The following PASD1 variants were observed in gnomAD, a reference collection of about 807,000 sequenced individuals.
The protein encoded by PASD1 is circadian clock protein PASD1.
PASD1 carries 13 observed loss-of-function variants against 58.8 expected under a neutral mutation model. The ratio of observed to expected loss-of-function variants is 0.22; its 90% CI spans 0.14 to 0.35. The LOEUF is 0.35. Ranked by LOEUF, PASD1 falls within the 10% of genes least tolerant of loss-of-function variation. PASD1 has a pLI of 1.00. For missense variants in PASD1, 734 were observed against 568.3 expected, an observed-to-expected ratio of 1.29 and a Z score of -2.96; for synonymous variants, 236 against 216.7, an observed-to-expected ratio of 1.09 and a Z score of -0.78.
chrX:151,671,850 G>A (rs1602969402), intron 13 of PASD1, 71 bp downstream of exon 13: 13 of 1,054,693 alleles, frequency 1.2e-5, no homozygotes, highest in South Asian at 4.0e-5. Flanking sequence ...GACTCACTTG[G>A]TTCTCCTTAG....
intron 9 of PASD1, among the ~76,000 whole-genome samples, chrX:151,651,611 GGTAGGCATTTA>G (rs986932193): frequency 8.9e-6 from 1 of 111,940 alleles, no homozygotes; most frequent in African/African-American, 3.2e-5. Context: ...TACCTACTAT[GGTAGGCATTTA>G]GTCATTTATT....
intron 8 of PASD1, among the ~76,000 whole-genome samples, chrX:151,634,225 C>T (rs1294027322): frequency 9.0e-6 from 1 of 111,148 alleles, no homozygotes; most frequent in African/African-American, 3.3e-5. Flanking sequence ...CTCTCCTCTT[C>T]TCTCCTTCTC....
chrX:151,658,551 G>A (rs1271023562), intron 9 of PASD1, among the ~76,000 whole-genome samples: 1 of 112,269 alleles, frequency 8.9e-6, no homozygotes, highest in Non-Finnish European at 1.9e-5. Flanking sequence ...GAAGGAAGAG[G>A]AAAGAGACAG....
At chrX:151,618,929 G>A (rs1260886248) in intron 4 of PASD1, among the ~76,000 whole-genome samples, 1 of 111,418 alleles carries the variant, frequency 9.0e-6, no homozygotes, top group Non-Finnish European at 1.9e-5. Flanking sequence ...AAAGACTTTG[G>A]CTTTTATTCA....
At position 151,674,184 on chromosome X, in the gene PASD1, C is replaced by T. The variant is rs1470800884; in HGVS notation, c.2173C>T (p.Gln725Ter). ...GTLHGQPTYH[Q>*]VQVSEVGVEG... is the part of the protein sequence containing the mutation. ...CCTGCACGGCCAACCCACCTACCAT[C>T]AGGTATGGGACAGCCCCCTCCTTTT... The change falls in exon 15 of 16, where the codon CAG (glutamine) becomes TAG (stop). Residue 725 changes from glutamine to a stop codon, truncating the protein, a stop_gained and splice_region_variant. Coordinates refer to ENST00000370357, the MANE Select transcript of PASD1 (RefSeq NM_173493.3). LOFTEE classifies it low-confidence loss of function (END_TRUNC). The T allele has an allele frequency of 9.1e-6, 11 of 1,211,814 alleles. No homozygotes were observed. Among genetic ancestry groups the T allele is most frequent in the Non-Finnish European group, 1.2e-5 (11 of 895,526 alleles).
At position 151,674,158 on chromosome X, in the gene PASD1, C is replaced by T. The variant is rs143262698; in HGVS notation, c.2147C>T (p.Thr716Ile). 5,662 of 1,210,334 alleles carry T rather than the reference C, an allele frequency of 4.7e-3. 19 individuals are homozygous for T. Among genetic ancestry groups the T allele is most frequent in the Admixed American group, 0.014 (654 of 45,811 alleles). The change falls in exon 15 of 16, where the codon ACC becomes ATC. Residue 716 changes from threonine to isoleucine, a missense_variant. Coordinates refer to ENST00000370357, the MANE Select transcript of PASD1 (RefSeq NM_173493.3). ...VNTWSCDEQG[T>I]LHGQPTYHQV... ...ACTTGGTCTTGCGATGAGCAGGGCA[C>T]CCTGCACGGCCAACCCACCTACCAT...
intron 8 of PASD1, among the ~76,000 whole-genome samples, chrX:151,630,361 C>T (rs2013852222): frequency 8.9e-6 from 1 of 111,848 alleles, no homozygotes; most frequent in Non-Finnish European, 1.9e-5. Context: ...CAGAACCTGA[C>T]AATGAGTAGG....
intron 3 of PASD1, among the ~76,000 whole-genome samples, chrX:151,610,195 T>C (rs1345632092): frequency 9.0e-6 from 1 of 111,609 alleles, no homozygotes; most frequent in Non-Finnish European, 1.9e-5. Flanking sequence ...TGTTGGACTT[T>C]CTGATTCTCT....
chrX:151,638,065 G>A (rs1017382890), intron 8 of PASD1, among the ~76,000 whole-genome samples: 1 of 111,547 alleles, frequency 9.0e-6, no homozygotes, highest in African/African-American at 3.3e-5. Context: ...CTAACAGTCT[G>A]GGTTCAAATT....
At chrX:151,564,968 T>A (rs1385550198) in intron 1 of PASD1, among the ~76,000 whole-genome samples, 1 of 111,736 alleles carries the variant, frequency 8.9e-6, no homozygotes, top group Non-Finnish European at 1.9e-5. Flanking sequence ...ATGTATAAAA[T>A]CAAGAATGTA....
At chrX:151,673,215 T>C (rs113220347) in intron 14 of PASD1, 1 of 118,292 alleles carries the variant, frequency 8.5e-6, no homozygotes, top group Non-Finnish European at 1.8e-5. Flanking sequence ...CATGAACACA[T>C]TTCTGCTCAA....
rs764793119 is a variant in PASD1 at position 151,604,732 on chromosome X, C to A, written c.115C>A (p.Gln39Lys). 8.4e-7 allele frequency: 1 copy of A among 1,191,036 alleles called. No homozygotes were observed. Among genetic ancestry groups the A allele is most frequent in the Non-Finnish European group, 1.1e-6 (1 of 877,779 alleles). ...TGATTACTTCAACCAAGTGACGCTA[C>A]AGGTAAGAGGGCTTTTGTTCTTTGA... is the stretch of plus-strand genomic sequence containing the variant. ...TYDYFNQVTL[Q>K]LLDGFMITLS... is the part of the protein sequence containing the mutation. Residue 39 changes from glutamine to lysine, a missense_variant and splice_region_variant, in exon 3 of 16, where the codon CAG (glutamine) becomes AAG (lysine). Coordinates refer to ENST00000370357, the MANE Select transcript of PASD1 (RefSeq NM_173493.3).
Position 151,676,178 on chromosome X carries a change from G to A in PASD1, c.*35G>A, listed in dbSNP as rs376879879. 9.8e-5 allele frequency: 116 copies of A among 1,188,314 alleles called. 1 individual carries two copies. The South Asian group carries it at 2.1e-3, about 21-fold the overall frequency. ...CATGACCAGTGATGAGGGGAAATGG[G>A]GGGAGGGGGCAGGCCAATGAGGTCT... On this transcript the variant is annotated 3_prime_UTR_variant, in exon 16 of 16. Coordinates refer to ENST00000370357, the MANE Select transcript of PASD1 (RefSeq NM_173493.3).
chrX:151,653,196 ATT>A (rs1256565605), intron 9 of PASD1, among the ~76,000 whole-genome samples: 9,464 of 84,574 alleles, frequency 0.11, 470 homozygotes, highest in Middle Eastern at 0.19. Flanking sequence ...ATATATATAT[ATT>A]TTTTTTTTTT....
At chrX:151,664,395 C>G in intron 11 of PASD1, 47 bp downstream of exon 11, 2 of 1,192,868 alleles carry the variant, frequency 1.7e-6, no homozygotes, top group Non-Finnish European at 2.3e-6. Context: ...GTCTGGATAG[C>G]TAACCTTGCA....
chrX:151,603,676 T>C (rs1259086546), intron 2 of PASD1, among the ~76,000 whole-genome samples: 1 of 110,949 alleles, frequency 9.0e-6, no homozygotes, highest in Non-Finnish European at 1.9e-5. Flanking sequence ...TGGCATGGTT[T>C]ACTTTTCATG....
intron 8 of PASD1, chrX:151,641,251 T>C (rs1360477614): frequency 3.6e-5 from 4 of 111,163 alleles, no homozygotes; most frequent in Non-Finnish European, 5.7e-5. Flanking sequence ...AATGGCCCTT[T>C]AGAGAGTGCT....
intron 1 of PASD1, among the ~76,000 whole-genome samples, chrX:151,585,142 A>T (rs1440922098): frequency 1.8e-5 from 2 of 111,622 alleles, no homozygotes; most frequent in Non-Finnish European, 3.8e-5. Flanking sequence ...TAGTAGGGGT[A>T]ATCCAGGAAG....
chrX:151,630,284 G>A (rs752059828), intron 8 of PASD1, among the ~76,000 whole-genome samples: 3 of 111,441 alleles, frequency 2.7e-5, no homozygotes, highest in Non-Finnish European at 5.6e-5. Context: ...ATTGTTGGTG[G>A]ACCTGGCTGG....
Sources: gnomAD v4.1 joint callset for allele counts (sites outside exome capture counted in the v4.1 genomes callset) on GRCh38, gnomAD v4.1.1 for gene constraint, MANE v1.5 for transcripts, NCBI Gene and HGNC (gene_info 2026-07-23, HGNC 2026-07-21) for gene names.